DYNC2I1: variants seen among roughly 807,000 people sequenced by gnomAD.
DYNC2I1 encodes the protein cytoplasmic dynein 2 intermediate chain 1.
DYNC2I1 carries 89 observed loss-of-function variants against 133.4 expected under a neutral mutation model. The observed-to-expected ratio is 0.67, with a 90% CI of 0.56 to 0.80. The LOEUF (loss-of-function observed/expected upper bound fraction) is 0.80, where lower values mean the gene tolerates loss of function less well. Among genes scored for constraint, DYNC2I1 ranks in the 30% least tolerant of loss-of-function variants. DYNC2I1 has a pLI of 0.00. For missense variants in DYNC2I1, 1,291 were observed against 1,314.5 expected (o/e 0.98, Z 0.28); for synonymous variants, 504 against 484.3 (o/e 1.04, Z -0.54).
At chr7:158,914,349 C>T (rs1449645514) in intron 14 of DYNC2I1, 28 bp downstream of exon 14, 3 of 1,574,648 alleles carry the variant, frequency 1.9e-6, no homozygotes, top group Non-Finnish European at 2.6e-6. Flanking sequence ...ATGTTGTGTT[C>T]TCTGTGTAAG....
intron 1 of DYNC2I1, among the ~76,000 whole-genome samples, chr7:158,857,197 T>C (rs1000080690): frequency 2.0e-5 from 3 of 152,258 alleles, no homozygotes; most frequent in Admixed American, 6.5e-5. Flanking sequence ...CAGGATTTTG[T>C]ATTTACTTGT....
Position 158,879,743 on chromosome 7 carries a change from C to T in DYNC2I1, c.633C>T (p.Gly211=), listed in dbSNP as rs375240436. The T allele has an allele frequency of 6.9e-6, 11 of 1,604,100 alleles. No homozygotes were observed. Among genetic ancestry groups the T allele is most frequent in the Middle Eastern group, 1.7e-4 (1 of 6,000 alleles). ...PLKYWLYKEE[G]ERRHRKPREP... ...AGTACTGGCTTTATAAAGAAGAAGG[C>T]GAGAGGAGACACAGGAAGCCCAGAG... is the stretch of plus-strand genomic sequence containing the variant. The change falls in exon 5 of 25, where the codon GGC becomes GGT. Residue 211 remains glycine (G), a synonymous_variant. Transcript: ENST00000407559.
chr7:158,878,091 A>T (rs553369351), intron 4 of DYNC2I1, among the ~76,000 whole-genome samples: 97 of 101,632 alleles, frequency 9.5e-4, no homozygotes, highest in South Asian at 2.8e-3. Context: ...GAGGGCCGAC[A>T]GTGAGTGCTG....
chr7:158,930,339 A>T, intron 20 of DYNC2I1, 116 bp from the exon 21 acceptor site: 1 of 903,068 alleles, frequency 1.1e-6, no homozygotes, highest in Non-Finnish European at 1.8e-6. Flanking sequence ...TTTGCATTTG[A>T]TGTTATTTCC....
chr7:158,879,758 G>T lies in DYNC2I1; in HGVS notation c.648G>T (p.Arg216Ser). 1 of 1,609,230 alleles carries T rather than the reference G, an allele frequency of 6.2e-7. No homozygotes were observed. The highest frequency in any genetic ancestry group is 8.5e-7 in the Non-Finnish European group (1 of 1,178,786). The change falls in exon 5 of 25, where the codon AGG (arginine) becomes AGT (serine). Residue 216 changes from arginine (R) to serine (S), a missense_variant. Arg to Ser is a moderately radical substitution (Grantham distance 110). Coordinates refer to ENST00000407559, the MANE Select transcript of DYNC2I1 (RefSeq NM_018051.5). The stretch of plus-strand genomic sequence containing the variant: ...AAGAAGAAGGCGAGAGGAGACACAG[G>T]AAGCCCAGAGAGCCAGATCGAGACA... The part of the protein sequence containing the change: ...LYKEEGERRH[R>S]KPREPDRDNK...
At chr7:158,928,655 A>G (rs1441036202) in intron 20 of DYNC2I1, among the ~76,000 whole-genome samples, 2 of 151,834 alleles carry the variant, frequency 1.3e-5, no homozygotes, top group Non-Finnish European at 2.9e-5. Flanking sequence ...TGTGTTGTCC[A>G]CTCCAGGCTG....
chr7:158,877,148 C>T (rs1033355717), intron 4 of DYNC2I1, among the ~76,000 whole-genome samples: 5 of 152,092 alleles, frequency 3.3e-5, no homozygotes, highest in African/African-American at 7.2e-5. Context: ...TTTCGCGGTG[C>T]GGGTGTGTTG....
chr7:158,924,472 A>C (rs889829043), intron 17 of DYNC2I1, among the ~76,000 whole-genome samples: 1 of 152,084 alleles, frequency 6.6e-6, no homozygotes, highest in African/African-American at 2.4e-5. Context: ...TGTGTTTGAC[A>C]TGTGTATCTG....
At chr7:158,925,179 G>A (rs753961213) in intron 17 of DYNC2I1, among the ~76,000 whole-genome samples, 12 of 152,196 alleles carry the variant, frequency 7.9e-5, no homozygotes, top group Non-Finnish European at 1.6e-4. Flanking sequence ...CGGGAGACCA[G>A]CCCTTTCCTC....
intron 3 of DYNC2I1, among the ~76,000 whole-genome samples, chr7:158,875,387 C>T (rs1288844243): frequency 6.6e-6 from 1 of 152,170 alleles, no homozygotes; most frequent in East Asian, 1.9e-4. Flanking sequence ...GCTACCGTGC[C>T]CAGCCTGGTA....
At chr7:158,853,237 A>G (rs184675521), upstream of DYNC2I1, among the ~76,000 whole-genome samples, 136 of 152,290 alleles carry the variant, frequency 8.9e-4, no homozygotes, top group Non-Finnish European at 1.4e-3. Flanking sequence ...AAGACCCCCA[A>G]CCATCTGAAT....
intron 8 of DYNC2I1, among the ~76,000 whole-genome samples, chr7:158,896,562 G>C (rs1221094400): frequency 3.9e-5 from 6 of 152,104 alleles, no homozygotes; most frequent in Non-Finnish European, 5.9e-5. Context: ...GCCTCAACCT[G>C]TCATGCTCAA....
At position 158,856,667 on chromosome 7, in the gene DYNC2I1, G is replaced by T; in HGVS notation, c.-69G>T. On this transcript the variant is annotated 5_prime_UTR_variant, in exon 1 of 25. Transcript: ENST00000407559. The stretch of plus-strand genomic sequence containing the variant: ...TCCCGAAGGGTGCGGGGCACAGGTG[G>T]CCTCTTCGGGGTGGACCGCGCCTGG... 1.6e-6 allele frequency: 2 copies of T among 1,228,772 alleles called. No individual in the cohort carries two copies. Among genetic ancestry groups the T allele is most frequent in the Non-Finnish European group, 2.0e-6 (2 of 984,420 alleles). 76.1% of individuals were successfully genotyped at this position (1,228,772 alleles called of 1,614,324 possible).
Position 158,876,636 on chromosome 7 carries a change from A to G in DYNC2I1, c.518A>G (p.Asp173Gly), listed in dbSNP as rs760388728. ...SVSKVRSEEK[D>G]EDSERGDEDR... ...AGTAAAGTAAGAAGTGAAGAGAAAG[A>G]TGAAGACTCTGAAAGAGGAGATGAA... The change falls in exon 4 of 25, where the codon GAT (aspartate) becomes GGT (glycine). Residue 173 changes from aspartate to glycine, a missense_variant. Coordinates refer to ENST00000407559, the MANE Select transcript of DYNC2I1 (RefSeq NM_018051.5). The G allele has an allele frequency of 3.2e-6, 5 of 1,583,724 alleles. No individual in the cohort carries two copies. Among genetic ancestry groups the G allele is most frequent in the East Asian group, 4.5e-5 (2 of 44,316 alleles).
At chr7:158,863,025 A>G (rs1413806721) in intron 1 of DYNC2I1, among the ~76,000 whole-genome samples, 1 of 150,476 alleles carries the variant, frequency 6.6e-6, no homozygotes, top group Non-Finnish European at 1.5e-5. Flanking sequence ...CGTGGACCCA[A>G]AGAGTGAGCA....
chr7:158,882,411 C>T (rs1335905525), intron 5 of DYNC2I1, among the ~76,000 whole-genome samples: 2 of 151,934 alleles, frequency 1.3e-5, no homozygotes, highest in Non-Finnish European at 2.9e-5. Flanking sequence ...TAGTGAGACC[C>T]CATCTCTACC....
intron 15 of DYNC2I1, among the ~76,000 whole-genome samples, chr7:158,921,457 C>T (rs1849082063): frequency 6.6e-6 from 1 of 152,130 alleles, no homozygotes; most frequent in African/African-American, 2.4e-5. Flanking sequence ...AACCACAGGG[C>T]TTAGGAGAAA....
intron 5 of DYNC2I1, among the ~76,000 whole-genome samples, chr7:158,882,446 G>C (rs1384983377): frequency 2.0e-5 from 3 of 152,110 alleles, no homozygotes; most frequent in African/African-American, 7.2e-5. Flanking sequence ...AGCCAGGCAT[G>C]GTGGCACACA....
chr7:158,888,749 C>G (rs535704611), intron 7 of DYNC2I1, among the ~76,000 whole-genome samples: 1 of 152,046 alleles, frequency 6.6e-6, no homozygotes, highest in African/African-American at 2.4e-5. Flanking sequence ...GGATTACAGG[C>G]GTGAGCCACT....
Sources: allele counts gnomAD v4.1 joint callset (sites outside exome capture counted in the v4.1 genomes callset), GRCh38; gene constraint gnomAD v4.1.1; transcripts MANE v1.5; gene names NCBI Gene and HGNC (gene_info 2026-07-23, HGNC 2026-07-21).